MTMR14: variants seen among roughly 807,000 people sequenced by gnomAD.
MTMR14 encodes the protein phosphatidylinositol-3,5-bisphosphate 3-phosphatase MTMR14.
A neutral mutation model predicts 86.3 loss-of-function variants in MTMR14; 48 were observed. The observed-to-expected ratio is 0.56, with a 90% confidence interval of 0.44 to 0.71. The LOEUF is 0.71. Ranked by LOEUF, MTMR14 falls within the 30% of genes least tolerant of loss-of-function variation. The pLI is 0.00. For synonymous variants in MTMR14, 366 were observed against 326.1 expected, an observed-to-expected ratio of 1.12 and a Z score of -1.32; for missense variants, 780 against 834.6, an observed-to-expected ratio of 0.93 and a Z score of 0.81.
chr3:9,691,218 C>CT (rs2076129661), intron 17 of MTMR14, among the ~76,000 whole-genome samples: 1 of 152,250 alleles, frequency 6.6e-6, no homozygotes, highest in African/African-American at 2.4e-5. Flanking sequence ...GCTCAGAACA[C>CT]TGCCTGAGTG....
chr3:9,680,618 G>T (rs2125228334), intron 9 of MTMR14, among the ~76,000 whole-genome samples: 1 of 152,330 alleles, frequency 6.6e-6, no homozygotes, highest in South Asian at 2.1e-4. Flanking sequence ...GGCCAAGGCG[G>T]GCAGATCACG....
At chr3:9,653,408 G>A (rs1270675645) in intron 1 of MTMR14, among the ~76,000 whole-genome samples, 1 of 147,172 alleles carries the variant, frequency 6.8e-6, no homozygotes, top group African/African-American at 2.7e-5. Flanking sequence ...CAGATTCATT[G>A]TTAGGGGTTT....
At chr3:9,653,882 C>T (rs945315897) in intron 2 of MTMR14, 113 bp downstream of exon 2, 2 of 1,407,842 alleles carry the variant, frequency 1.4e-6, no homozygotes, top group Non-Finnish European at 2.0e-6. Flanking sequence ...AGGTGTTAAT[C>T]CTTATTGGCA....
rs1489414000 is a variant in MTMR14 at position 9,649,560 on chromosome 3, A to C, written c.-24A>C. 2 of 1,535,890 alleles carry C rather than the reference A, an allele frequency of 1.3e-6. No individual in the cohort carries two copies. Among genetic ancestry groups the C allele is most frequent in the South Asian group, 1.2e-5 (1 of 82,814 alleles). Reference sequence around the variant, plus strand: ...GGTGCCATGGGCCCGCTTGAGGCACACTGAGGGGACGCGGGGCTGGGCCAT... The same window carrying C: ...GGTGCCATGGGCCCGCTTGAGGCACCCTGAGGGGACGCGGGGCTGGGCCAT... On this transcript the variant is annotated 5_prime_UTR_variant, in exon 1 of 19. Coordinates refer to ENST00000296003, the MANE Select transcript of MTMR14 (RefSeq NM_001077525.3).
intron 11 of MTMR14, 101 bp downstream of exon 11, chr3:9,684,771 G>A (rs937848766): frequency 1.3e-6 from 2 of 1,543,756 alleles, no homozygotes; most frequent in Admixed American, 1.7e-5. Flanking sequence ...CAGAGCAGAT[G>A]TGTTTAACCC....
chr3:9,665,746 T>G (rs1277624862), intron 3 of MTMR14, among the ~76,000 whole-genome samples: 3 of 151,660 alleles, frequency 2.0e-5, no homozygotes, highest in African/African-American at 7.3e-5. Flanking sequence ...TTTTTTTTTT[T>G]TTGAGACAGA....
chr3:9,661,843 T>C (rs372825765), intron 2 of MTMR14, among the ~76,000 whole-genome samples: 2 of 152,208 alleles, frequency 1.3e-5, no homozygotes, highest in African/African-American at 4.8e-5. Flanking sequence ...TCCCGGCACT[T>C]TGGGAGGCCG....
At chr3:9,658,695 G>A (rs991936469) in intron 2 of MTMR14, among the ~76,000 whole-genome samples, 3 of 152,182 alleles carry the variant, frequency 2.0e-5, no homozygotes, top group Admixed American at 2.0e-4. Flanking sequence ...GTAAAATTGG[G>A]TAAGTGAGGA....
At chr3:9,656,367 G>A (rs2047608463) in intron 2 of MTMR14, among the ~76,000 whole-genome samples, 1 of 151,988 alleles carries the variant, frequency 6.6e-6, no homozygotes, top group Admixed American at 6.6e-5. Flanking sequence ...TTATGGCCCT[G>A]TTATTTATGG....
chr3:9,682,026 C>T (rs1047809511), intron 9 of MTMR14, among the ~76,000 whole-genome samples: 4 of 152,236 alleles, frequency 2.6e-5, no homozygotes, highest in African/African-American at 9.6e-5. Context: ...CAGTCTTCCC[C>T]TAGCCCACCT....
At chr3:9,670,935 C>T (rs375249135) in intron 5 of MTMR14, 113 bp from the exon 6 acceptor site, 16 of 1,402,060 alleles carry the variant, frequency 1.1e-5, no homozygotes, top group African/African-American at 1.4e-5. Flanking sequence ...ACCTAGCACA[C>T]GCCCCAGCTT....
At chr3:9,680,778 G>A (rs1008308859) in intron 9 of MTMR14, among the ~76,000 whole-genome samples, 10 of 152,202 alleles carry the variant, frequency 6.6e-5, no homozygotes, top group Admixed American at 2.0e-4. Context: ...CGGAGCTTGC[G>A]GTGAGCTGAG....
intron 9 of MTMR14, among the ~76,000 whole-genome samples, chr3:9,680,292 T>C (rs2075718722): frequency 6.6e-6 from 1 of 152,196 alleles, no homozygotes; most frequent in Admixed American, 6.5e-5. Context: ...TGCCCTCGTC[T>C]CCTGTGCAGT....
rs200659107 is a variant in MTMR14, at chr3:9,683,242, A to G, written c.962A>G (p.Asp321Gly). The G allele has an allele frequency of 6.2e-7, 1 of 1,614,048 alleles. No homozygotes were observed. The highest frequency in any genetic ancestry group is 1.1e-5 in the South Asian group (1 of 91,094). The part of the protein sequence containing the change: ...LKLLLSLVNS[D>G]DDSGLLVHCI... ...CTGCTGCTTTCCTTAGTTAACAGTG[A>G]TGGTGAGTCTGTCTCCTCCAGAGCC... The change falls in exon 10 of 19, where the codon GAT becomes GGT. Residue 321 changes from aspartate (D) to glycine (G), a missense_variant and splice_region_variant. Coordinates refer to ENST00000296003, the MANE Select transcript of MTMR14 (RefSeq NM_001077525.3).
At chr3:9,681,199 TAGG>T (rs1034088068) in intron 9 of MTMR14, among the ~76,000 whole-genome samples, 4 of 152,174 alleles carry the variant, frequency 2.6e-5, no homozygotes, top group Non-Finnish European at 4.4e-5. Flanking sequence ...GAATGAATGA[TAGG>T]AGCAGTTGTG....
rs1559600912 is a variant in MTMR14, at chr3:9,684,629, A to AC, written c.1015dup (p.Leu339ProfsTer13). ...ACACTGTATCTCAGGCTGGGATCGG[A>AC]CCCCCCTCTTCATCTCCCTCCTGCG... On this transcript the variant is annotated frameshift_variant, in exon 11 of 19. Transcript: ENST00000296003. LOFTEE classifies it high-confidence loss of function. 1.9e-6 allele frequency: 3 copies of AC among 1,612,392 alleles called. No individual in the cohort carries two copies. Among genetic ancestry groups the AC allele is most frequent in the South Asian group, 1.1e-5 (1 of 90,966 alleles).
chr3:9,650,238 A>G, intron 1 of MTMR14: 1 of 447,130 alleles, frequency 2.2e-6, no homozygotes, highest in Non-Finnish European at 4.5e-6. Context: ...TCCCCTATAG[A>G]GCAGGAAGAC....
At chr3:9,657,312 C>T (rs1007677093) in intron 2 of MTMR14, among the ~76,000 whole-genome samples, 5 of 152,206 alleles carry the variant, frequency 3.3e-5, no homozygotes, top group African/African-American at 1.2e-4. Flanking sequence ...TTGGCATATT[C>T]TAACAAGCTC....
In MTMR14 at chr3:9,677,956, C is replaced by T. The variant is rs767635233; in HGVS notation, c.823-28C>T. 2 of 1,611,726 alleles carry T rather than the reference C, an allele frequency of 1.2e-6. No individual in the cohort carries two copies. Among genetic ancestry groups the T allele is most frequent in the South Asian group, 1.1e-5 (1 of 90,864 alleles). Reference sequence around the variant, plus strand: ...TAAGCCTCCTCTGGTGGCCAACCCACATCTCACAGGAGTCTTTCTGTCCCC... The same window carrying T: ...TAAGCCTCCTCTGGTGGCCAACCCATATCTCACAGGAGTCTTTCTGTCCCC... On this transcript the variant is annotated intron_variant, in intron 8 of 18. Transcript: ENST00000296003. This position sits in a 1 kb window ranked among gnomAD's most constrained non-coding sequence, Gnocchi z 4.2.
Sources: allele counts gnomAD v4.1 joint callset (sites outside exome capture counted in the v4.1 genomes callset), GRCh38; gene constraint gnomAD v4.1.1; non-coding constraint Gnocchi (gnomAD v3.1); transcripts MANE v1.5; gene names NCBI Gene and HGNC (gene_info 2026-07-23, HGNC 2026-07-21).